The following HBP1 variants were observed in gnomAD, a reference collection of about 807,000 sequenced individuals.
HBP1 encodes HMG-box transcription factor 1.
Under a neutral mutation model 62.6 loss-of-function variants are expected in HBP1, and 20 were observed. The ratio of observed to expected loss-of-function variants is 0.32; its 90% CI spans 0.22 to 0.46. HBP1 has a LOEUF of 0.46. HBP1 is among the 20% of genes least tolerant of loss of function. The pLI is 1.00. For missense variants in HBP1, 480 were observed against 611.8 expected, an observed-to-expected ratio of 0.78 and a Z score of 2.27; for synonymous variants, 232 against 206.2, an observed-to-expected ratio of 1.12 and a Z score of -1.07.
rs551352863 is a variant in HBP1 at position 107,186,262 on chromosome 7, C to T, written c.541-99C>T. On this transcript the variant is annotated intron_variant, in intron 4 of 10. Transcript: ENST00000222574. The stretch of plus-strand genomic sequence containing the variant: ...CCTAAGGTTAGAATTACTAAGTTAT[C>T]CACCTATAAGCATGGGCCTAAAGAC... 576 of 651,540 alleles carry T rather than the reference C, an allele frequency of 8.8e-4. 10 individuals carry two copies. In the South Asian group the frequency reaches 0.012, roughly 13 times the overall value. 40.4% of individuals were successfully genotyped at this position (651,540 alleles called of 1,614,324 possible). A position where few individuals can be genotyped will look rare whatever the true frequency, so the allele number is the denominator to read the frequency against.
intron 1 of HBP1, among the ~76,000 whole-genome samples, chr7:107,177,843 C>G (rs972197535): frequency 2.0e-5 from 3 of 151,908 alleles, no homozygotes; most frequent in Non-Finnish European, 4.4e-5. Flanking sequence ...AATCATATTC[C>G]TTTTTTTCCA....
At chr7:107,170,534 A>G (rs751969002) in intron 1 of HBP1, among the ~76,000 whole-genome samples, 5 of 152,140 alleles carry the variant, frequency 3.3e-5, no homozygotes, top group Non-Finnish European at 7.3e-5. Flanking sequence ...GTAGTTGACA[A>G]AATTTCAAGG....
intron 3 of HBP1, among the ~76,000 whole-genome samples, chr7:107,183,529 C>G (rs1240009166): frequency 6.6e-6 from 1 of 152,002 alleles, no homozygotes. Context: ...AGAAAACTTC[C>G]TTTCAGAGTT....
In HBP1 at chr7:107,202,289, T is replaced by TTTAA. The variant is rs1415420149; in HGVS notation, c.*861_*864dup. 1 of 152,668 alleles carries TTTAA rather than the reference T, an allele frequency of 6.6e-6. No homozygotes were observed. Among genetic ancestry groups the TTTAA allele is most frequent in the Non-Finnish European group, 1.5e-5 (1 of 68,030 alleles). 9.5% of individuals were successfully genotyped at this position (152,668 alleles called of 1,614,324 possible). The stretch of plus-strand genomic sequence containing the variant: ...ACTTACTGCAGTGCAACACTTGCAC[T>TTTAA]TTAATTTTCCTCCAACTGTCTAAAA... On this transcript the variant is annotated 3_prime_UTR_variant, in exon 11 of 11. Coordinates refer to ENST00000222574, the MANE Select transcript of HBP1 (RefSeq NM_012257.4).
At chr7:107,184,330 G>A (rs964094572) in intron 3 of HBP1, among the ~76,000 whole-genome samples, 2 of 152,112 alleles carry the variant, frequency 1.3e-5, no homozygotes, top group African/African-American at 4.8e-5. Flanking sequence ...TACAATGCAT[G>A]GAAATCTGAG....
chr7:107,182,841 A>G (rs534807127), intron 3 of HBP1, among the ~76,000 whole-genome samples: 1 of 152,322 alleles, frequency 6.6e-6, no homozygotes, highest in South Asian at 2.1e-4. Context: ...AAATGTTTAA[A>G]ATAAATTAGA....
At chr7:107,183,846 G>A (rs1420687073) in intron 3 of HBP1, among the ~76,000 whole-genome samples, 1 of 152,124 alleles carries the variant, frequency 6.6e-6, no homozygotes, top group Non-Finnish European at 1.5e-5. Context: ...CTGTTGTCTG[G>A]CCTACCTCCT....
At chr7:107,173,860 T>G (rs1287937073) in intron 1 of HBP1, among the ~76,000 whole-genome samples, 1 of 152,202 alleles carries the variant, frequency 6.6e-6, no homozygotes, top group East Asian at 1.9e-4. Flanking sequence ...CAAGCTGTGT[T>G]GAATCTGATA....
rs184360246 is a variant in HBP1, at chr7:107,181,891, C to T, written c.170-482C>T. Among the ~76,000 whole-genome samples, 18 of 151,806 alleles carry T rather than the reference C, an allele frequency of 1.2e-4. No homozygotes were observed. In the East Asian group the frequency reaches 2.9e-3, roughly 24 times the overall value. ...TATCATGAATTGCCTTTTAGGAATGCACTTATAGGAAAAAATAACCGATAA... is the reference window on the plus strand; with the variant it reads ...TATCATGAATTGCCTTTTAGGAATGTACTTATAGGAAAAAATAACCGATAA... On this transcript the variant is annotated intron_variant, in intron 2 of 10. Transcript: ENST00000222574.
chr7:107,176,399 A>G (rs1341461501), intron 1 of HBP1, among the ~76,000 whole-genome samples: 1 of 152,156 alleles, frequency 6.6e-6, no homozygotes, highest in East Asian at 1.9e-4. Context: ...TCTTTCCACT[A>G]AAGTCAGACT....
At chr7:107,187,366 A>G (rs1232215460) in intron 6 of HBP1, among the ~76,000 whole-genome samples, 1 of 152,226 alleles carries the variant, frequency 6.6e-6, no homozygotes, top group Non-Finnish European at 1.5e-5. Flanking sequence ...AATTATATTA[A>G]GTTACTTTAT....
At chr7:107,175,364 T>C in intron 1 of HBP1, among the ~76,000 whole-genome samples, 1 of 152,226 alleles carries the variant, frequency 6.6e-6, no homozygotes. Context: ...GGTACTTTTA[T>C]TGCCATTTTA....
rs191245804 is a variant in HBP1, at chr7:107,189,280, A to C, written c.766-12A>C. On this transcript the variant is annotated splice_polypyrimidine_tract_variant and intron_variant, in intron 6 of 10. Coordinates refer to ENST00000222574, the MANE Select transcript of HBP1 (RefSeq NM_012257.4). ...CATTTCCAATTCATTCACGCTATGC[A>C]TATATTTTCAGGGCTATGGTTCTGA... 1 of 1,606,440 alleles carries C rather than the reference A, an allele frequency of 6.2e-7. No individual in the cohort carries two copies. The highest frequency in any genetic ancestry group is 1.7e-5 in the Admixed American group (1 of 59,756).
chr7:107,174,836 T>C (rs1160058989), intron 1 of HBP1: 1 of 324,240 alleles, frequency 3.1e-6, no homozygotes, highest in East Asian at 1.7e-4. Flanking sequence ...CATAAGGATT[T>C]TTAGTTATCA....
Position 107,199,827 on chromosome 7 carries a change from G to A in HBP1, c.1386-333G>A, listed in dbSNP as rs556525269. 2.0e-5 allele frequency among the ~76,000 whole-genome samples: 3 copies of A among 152,344 alleles called. No homozygotes were observed. The South Asian group carries it at 6.2e-4, about 32-fold the overall frequency. On this transcript the variant is annotated intron_variant, in intron 9 of 10. Transcript: ENST00000222574. ...AGGTTTATTTGGTTTTCTCTTGAGA[G>A]AGAAATAGTAAGATATGCATAGTTA... is the stretch of plus-strand genomic sequence containing the variant.
rs142047980 is a variant in HBP1, at chr7:107,179,028, C to T, written c.-15-851C>T. Among the ~76,000 whole-genome samples the T allele has an allele frequency of 4.9e-3, 740 of 150,910 alleles. 4 individuals are homozygous for T. The highest frequency in any genetic ancestry group is 0.017 in the African/African-American group (710 of 41,334). On this transcript the variant is annotated intron_variant, in intron 1 of 10. Coordinates refer to ENST00000222574, the MANE Select transcript of HBP1 (RefSeq NM_012257.4). ...CAGCCTGGGTGACAGAGCGAGACTCCGTCTCAAAAAAAAGAAAATGTATTT... is the reference window on the plus strand; with the variant it reads ...CAGCCTGGGTGACAGAGCGAGACTCTGTCTCAAAAAAAAGAAAATGTATTT...
chr7:107,200,352 T>C, intron 10 of HBP1, 51 bp downstream of exon 10: 1 of 1,485,020 alleles, frequency 6.7e-7, no homozygotes, highest in East Asian at 2.3e-5. Flanking sequence ...TCCGTGCAGG[T>C]GTACTGGCAT....
At chr7:107,194,578 T>C (rs1797798085) in intron 8 of HBP1, among the ~76,000 whole-genome samples, 1 of 152,248 alleles carries the variant, frequency 6.6e-6, no homozygotes, top group Admixed American at 6.5e-5. Flanking sequence ...TTACTGTGTG[T>C]AGTCAGTGGC....
Position 107,189,322 on chromosome 7 carries a change from T to A in HBP1, c.796T>A (p.Ser266Thr), listed in dbSNP as rs777145428. The A allele has an allele frequency of 6.2e-7, 1 of 1,613,122 alleles. No individual in the cohort carries two copies. Among genetic ancestry groups the A allele is most frequent in the Non-Finnish European group, 8.5e-7 (1 of 1,179,200 alleles). ...GYGSDGLKLL[S>T]HEESVSFGES... is the part of the protein sequence containing the mutation. ...TGGTTCTGATGGTCTAAAGTTGTTA[T>A]CACATGAAGAAAGTGTATCATTTGG... Residue 266 changes from serine to threonine, a missense_variant, in exon 7 of 11, where the codon TCA (serine) becomes ACA (threonine). Transcript: ENST00000222574.
Sources: gnomAD v4.1 joint callset for allele counts (sites outside exome capture counted in the v4.1 genomes callset) on GRCh38, gnomAD v4.1.1 for gene constraint, MANE v1.5 for transcripts, NCBI Gene and HGNC (gene_info 2026-07-23, HGNC 2026-07-21) for gene names.